Variants in IFT88 observed in about 807,000 individuals in gnomAD.
IFT88 encodes the protein intraflagellar transport 88.
In IFT88, 74 loss-of-function variants were observed where a neutral mutation model predicts 119.5. The ratio of observed to expected loss-of-function variants is 0.62; its 90% CI spans 0.51 to 0.75. IFT88 has a LOEUF of 0.75. Among genes scored for constraint, IFT88 ranks in the 30% least tolerant of loss-of-function variants. The probability of loss-of-function intolerance (pLI) is 0.00; values close to 1 mark genes in which losing one functional copy is unlikely to be tolerated. For missense variants in IFT88, 961 were observed against 977.7 expected (o/e 0.98, Z 0.23); for synonymous variants, 279 against 316.7 (o/e 0.88, Z 1.26).
At chr13:20,637,518 G>T (rs1352611560) in intron 16 of IFT88, among the ~76,000 whole-genome samples, 1 of 152,182 alleles carries the variant, frequency 6.6e-6, no homozygotes, top group African/African-American at 2.4e-5. Context: ...GGAAGCAGAT[G>T]CCTCTGTGCA....
chr13:20,596,218 A>T lies in IFT88; in HGVS notation c.467A>T (p.Asn156Ile). Residue 156 changes from asparagine to isoleucine, a missense_variant, in exon 8 of 26, where the codon AAT (asparagine) becomes ATT (isoleucine). Coordinates refer to ENST00000351808, the MANE Select transcript of IFT88 (RefSeq NM_006531.5). ...NELVEESCIA[N>I]SCGDLKLALE... ...TTGGTAGAAGAAAGCTGTATTGCCAATAGTTGTGGAGACTTAAAATTGGTA... is the reference window on the plus strand; with the variant it reads ...TTGGTAGAAGAAAGCTGTATTGCCATTAGTTGTGGAGACTTAAAATTGGTA... The T allele has an allele frequency of 6.5e-7, 1 of 1,543,054 alleles. No individual in the cohort carries two copies. The highest frequency in any genetic ancestry group is 1.2e-5 in the South Asian group (1 of 83,844).
intron 23 of IFT88, among the ~76,000 whole-genome samples, chr13:20,665,547 A>G (rs2140893945): frequency 6.6e-6 from 1 of 152,368 alleles, no homozygotes; most frequent in East Asian, 1.9e-4. Context: ...AAAAGTCAAC[A>G]AAACTACTGA....
intron 21 of IFT88, among the ~76,000 whole-genome samples, chr13:20,654,197 A>G (rs1428478175): frequency 6.6e-6 from 1 of 152,216 alleles, no homozygotes; most frequent in African/African-American, 2.4e-5. Context: ...TCATTTTCAC[A>G]AGTTAGCCAC....
intron 24 of IFT88, among the ~76,000 whole-genome samples, chr13:20,686,851 G>A (rs1483186737): frequency 1.3e-5 from 2 of 151,810 alleles, no homozygotes; most frequent in African/African-American, 2.4e-5. Flanking sequence ...TTTCACCAAA[G>A]TTTATGTAGT....
At position 20,643,650 on chromosome 13, in the gene IFT88, G is replaced by A. The variant is rs751306236; in HGVS notation, c.1833+45G>A. On this transcript the variant is annotated intron_variant, in intron 19 of 25. Coordinates refer to ENST00000351808, the MANE Select transcript of IFT88 (RefSeq NM_006531.5). Reference sequence around the variant, plus strand: ...TTCCTTCTGTGTTTTAGCATTTTATGAATTGTTATAAAGAAGGCAGCAAGG... The same window carrying A: ...TTCCTTCTGTGTTTTAGCATTTTATAAATTGTTATAAAGAAGGCAGCAAGG... The A allele has an allele frequency of 7.1e-6, 10 of 1,400,228 alleles. No individual in the cohort carries two copies. The South Asian group carries it at 1.3e-4, about 18-fold the overall frequency. 86.7% of individuals were successfully genotyped at this position (1,400,228 alleles called of 1,614,324 possible).
chr13:20,592,490 G>C, intron 7 of IFT88, 86 bp downstream of exon 7: 1 of 989,782 alleles, frequency 1.0e-6, no homozygotes, highest in Non-Finnish European at 1.5e-6. Context: ...TTTTTTTTGA[G>C]ATGATATCTC....
In IFT88 at chr13:20,614,817, C is replaced by CTT. The variant is rs762297940; in HGVS notation, c.1113-961_1113-960dup. Among the ~76,000 whole-genome samples, 44 of 125,848 alleles carry CTT rather than the reference C, an allele frequency of 3.5e-4. 4 individuals carry two copies. In the East Asian group the frequency reaches 6.3e-3, roughly 18 times the overall value. 82.6% of individuals were successfully genotyped at this position (125,848 alleles called of 152,430 possible). On this transcript the variant is annotated intron_variant, in intron 13 of 25. Transcript: ENST00000351808. ...ATGATTTGGAAAGATTATTTCTTTT[C>CTT]TTTTTTTTTTTTTTTTGAGACGGAG...
At chr13:20,659,326 T>C (rs1488374080) in intron 22 of IFT88, among the ~76,000 whole-genome samples, 1 of 152,072 alleles carries the variant, frequency 6.6e-6, no homozygotes, top group Non-Finnish European at 1.5e-5. Flanking sequence ...AGACCTCAAC[T>C]CTTCTAAATA....
At chr13:20,654,295 A>G (rs1404358495) in intron 21 of IFT88, among the ~76,000 whole-genome samples, 1 of 152,232 alleles carries the variant, frequency 6.6e-6, no homozygotes. Flanking sequence ...CAAATTTATG[A>G]CACTTGAGAA....
chr13:20,605,583 AC>A (rs1158527826), intron 13 of IFT88, among the ~76,000 whole-genome samples: 4 of 152,290 alleles, frequency 2.6e-5, no homozygotes, highest in Non-Finnish European at 4.4e-5. Flanking sequence ...CACTTCTGAC[AC>A]CAAATGTGTG....
chr13:20,581,179 T>C (rs2038576244), intron 2 of IFT88, among the ~76,000 whole-genome samples: 1 of 152,180 alleles, frequency 6.6e-6, no homozygotes, highest in Non-Finnish European at 1.5e-5. Context: ...TTATGCTTGG[T>C]TTTCTTTGAT....
At chr13:20,667,327 A>G (rs776331211) in intron 23 of IFT88, among the ~76,000 whole-genome samples, 1 of 152,128 alleles carries the variant, frequency 6.6e-6, no homozygotes, top group Non-Finnish European at 1.5e-5. Flanking sequence ...TATGTTTACA[A>G]GTGTTTACTG....
chr13:20,606,575 G>A (rs916505977), intron 13 of IFT88, among the ~76,000 whole-genome samples: 8 of 152,170 alleles, frequency 5.3e-5, no homozygotes, highest in Admixed American at 2.6e-4. Context: ...AAATGTCCAA[G>A]TGTTCATTAA....
intron 14 of IFT88, among the ~76,000 whole-genome samples, chr13:20,625,318 T>C (rs1484484423): frequency 6.6e-6 from 1 of 152,192 alleles, no homozygotes; most frequent in Non-Finnish European, 1.5e-5. Flanking sequence ...TGTTATAGAG[T>C]AAACAGCAAA....
intron 16 of IFT88, among the ~76,000 whole-genome samples, chr13:20,633,831 G>A (rs1430823848): frequency 2.0e-5 from 3 of 152,084 alleles, no homozygotes; most frequent in Non-Finnish European, 4.4e-5. Context: ...GCTGGTATCC[G>A]GCATATAGTT....
intron 3 of IFT88, among the ~76,000 whole-genome samples, chr13:20,588,216 G>A (rs1420598710): frequency 3.3e-5 from 5 of 151,550 alleles, no homozygotes; most frequent in Non-Finnish European, 7.4e-5. Flanking sequence ...GACAGTGCCA[G>A]GATTTTATAT....
chr13:20,586,907 A>ATT (rs5802080), intron 3 of IFT88, among the ~76,000 whole-genome samples: 9 of 151,552 alleles, frequency 5.9e-5, no homozygotes, highest in Non-Finnish European at 7.4e-5. Context: ...GTTTTTTCCC[A>ATT]TTTTTTTTAA....
In IFT88 at chr13:20,590,531, C is replaced by T. The variant is rs868398030; in HGVS notation, c.211-436C>T. ...AAAGTAGCCTTGTACATAATATAAA[C>T]GTGTGTCATATTAAACATGCTTTTA... On this transcript the variant is annotated intron_variant, in intron 4 of 25. Coordinates refer to ENST00000351808, the MANE Select transcript of IFT88 (RefSeq NM_006531.5). Among the ~76,000 whole-genome samples, 57 of 152,172 alleles carry T rather than the reference C, an allele frequency of 3.7e-4. 1 individual carries two copies. The highest frequency in any genetic ancestry group is 1.3e-3 in the African/African-American group (53 of 41,528).
At chr13:20,607,409 C>T (rs1465165511) in intron 13 of IFT88, 1 of 634,708 alleles carries the variant, frequency 1.6e-6, no homozygotes, top group East Asian at 3.4e-5. Context: ...CCTCCTGTCC[C>T]AGATCATTAT....
Sources: allele counts gnomAD v4.1 joint callset (sites outside exome capture counted in the v4.1 genomes callset), GRCh38; gene constraint gnomAD v4.1.1; transcripts MANE v1.5; gene names NCBI Gene and HGNC (gene_info 2026-07-23, HGNC 2026-07-21).